The following ASH1L variants were observed in gnomAD, a reference collection of about 807,000 sequenced individuals.
ASH1L encodes histone-lysine N-methyltransferase ASH1L.
Under a neutral mutation model 269.0 loss-of-function variants are expected in ASH1L, and 23 were observed. The observed-to-expected ratio is 0.09, with a 90% CI of 0.06 to 0.12. The LOEUF is 0.12. Among genes scored for constraint, ASH1L ranks in the 10% least tolerant of loss-of-function variants. The pLI is 1.00. For synonymous variants in ASH1L, 1,187 were observed against 1,253.5 expected (o/e 0.95, Z 1.12); for missense variants, 2,912 against 3,567.8 (o/e 0.82, Z 4.68).
At chr1:155,505,018 T>C (rs1011405688) in intron 2 of ASH1L, among the ~76,000 whole-genome samples, 7 of 151,970 alleles carry the variant, frequency 4.6e-5, no homozygotes, top group African/African-American at 1.5e-4. Flanking sequence ...GACCACAAAC[T>C]TAAAAACAAA....
chr1:155,555,835 C>A (rs1478502649), intron 1 of ASH1L, among the ~76,000 whole-genome samples: 2 of 151,996 alleles, frequency 1.3e-5, no homozygotes, highest in Non-Finnish European at 2.9e-5. Flanking sequence ...GTTATATAAA[C>A]CTAACTATGA....
In ASH1L at chr1:155,482,297, T is replaced by G. The variant is rs765179487; in HGVS notation, c.573A>C (p.Ala191=). 1.7e-5 allele frequency: 27 copies of G among 1,614,176 alleles called. No individual in the cohort carries two copies. The East Asian group carries it at 6.0e-4, about 36-fold the overall frequency. ...VHSEMADYIN[A]TPSTLLGSRD... is the part of the protein sequence containing the mutation. ...GGCTACCAAGAAGAGTAGATGGCGT[T>G]GCATTAATATAATCTGCCATTTCTG... The change falls in exon 3 of 28, where the codon GCA becomes GCC. Residue 191 remains alanine, a synonymous_variant. Transcript: ENST00000392403.
chr1:155,560,525 T>C (rs1437227202), intron 1 of ASH1L, among the ~76,000 whole-genome samples: 2 of 152,166 alleles, frequency 1.3e-5, no homozygotes, highest in Admixed American at 1.3e-4. Flanking sequence ...AACAGTTCTC[T>C]GGTTTTAATT....
chr1:155,452,287 C>A (rs535101698), intron 4 of ASH1L, among the ~76,000 whole-genome samples: 117 of 152,192 alleles, frequency 7.7e-4, no homozygotes, highest in Non-Finnish European at 1.5e-3. Flanking sequence ...GATCTGCCCA[C>A]CTCGGCCGCC....
At chr1:155,456,142 T>C (rs11264376) in intron 4 of ASH1L, among the ~76,000 whole-genome samples, 97 of 152,314 alleles carry the variant, frequency 6.4e-4, no homozygotes, top group African/African-American at 2.3e-3. Flanking sequence ...TTCTGAAGTT[T>C]CTGGTTTCCT....
intron 6 of ASH1L, among the ~76,000 whole-genome samples, chr1:155,411,582 A>ATATATATATATAT (rs1659775685): frequency 2.7e-4 from 13 of 48,398 alleles, no homozygotes; most frequent in African/African-American, 6.4e-4. Context: ...TAAATAAATA[A>ATATATATATATAT]ATAAATATAT....
At chr1:155,457,274 A>AC (rs1238080309) in intron 4 of ASH1L, among the ~76,000 whole-genome samples, 1 of 152,224 alleles carries the variant, frequency 6.6e-6, no homozygotes, top group Non-Finnish European at 1.5e-5. Context: ...AATTGCATGT[A>AC]CAATGAAGTT....
At chr1:155,534,309 C>A (rs1669897650) in intron 1 of ASH1L, among the ~76,000 whole-genome samples, 1 of 147,912 alleles carries the variant, frequency 6.8e-6, no homozygotes. Flanking sequence ...CCAAAGACAG[C>A]AAAAGTTGGT....
intron 12 of ASH1L, among the ~76,000 whole-genome samples, chr1:155,361,119 C>T (rs914824015): frequency 6.6e-6 from 1 of 152,026 alleles, no homozygotes; most frequent in African/African-American, 2.4e-5. Context: ...TGCAGTGGCT[C>T]ACACCTGTAA....
intron 4 of ASH1L, among the ~76,000 whole-genome samples, chr1:155,455,744 T>C (rs376337310): frequency 6.6e-6 from 1 of 152,230 alleles, no homozygotes; most frequent in South Asian, 2.1e-4. Context: ...GGCTCTGCAA[T>C]GCAACTGGGA....
chr1:155,476,436 C>T (rs1436911947), intron 3 of ASH1L, among the ~76,000 whole-genome samples: 1 of 152,016 alleles, frequency 6.6e-6, no homozygotes, highest in Admixed American at 6.6e-5. Context: ...CTAAGGAACA[C>T]TCAGATTCTC....
intron 6 of ASH1L, among the ~76,000 whole-genome samples, chr1:155,410,157 C>T (rs1659651952): frequency 6.6e-6 from 1 of 151,520 alleles, no homozygotes; most frequent in East Asian, 1.9e-4. Context: ...TCAAAAAAAA[C>T]GCTTTGTCAC....
At chr1:155,433,360 TC>T in intron 5 of ASH1L, 2 of 1,593,530 alleles carry the variant, frequency 1.3e-6, no homozygotes, top group African/African-American at 1.3e-5. Context: ...TGTGGGGGAT[TC>T]CCCCATGCCC....
At chr1:155,557,462 G>GTCTAA (rs1671678489) in intron 1 of ASH1L, among the ~76,000 whole-genome samples, 1 of 150,832 alleles carries the variant, frequency 6.6e-6, no homozygotes, top group Non-Finnish European at 1.5e-5. Context: ...TTGTATTTTT[G>GTCTAA]GTAGAGACAG....
chr1:155,532,974 G>GAC (rs1262103877), intron 1 of ASH1L, among the ~76,000 whole-genome samples: 1 of 148,376 alleles, frequency 6.7e-6, no homozygotes, highest in Non-Finnish European at 1.5e-5. Flanking sequence ...GGGAGAGAGA[G>GAC]AGAGAGAGAG....
chr1:155,454,815 T>C (rs1388313478), intron 4 of ASH1L, among the ~76,000 whole-genome samples: 1 of 152,154 alleles, frequency 6.6e-6, no homozygotes, highest in Non-Finnish European at 1.5e-5. Context: ...ATCACTAGCA[T>C]ATTTTATTGT....
At chr1:155,349,121 C>A (rs1002027767) in intron 19 of ASH1L, among the ~76,000 whole-genome samples, 1 of 151,828 alleles carries the variant, frequency 6.6e-6, no homozygotes, top group East Asian at 1.9e-4. Flanking sequence ...AATGATTTAA[C>A]CTTCCATTCT....
At chr1:155,338,471 T>C in intron 26 of ASH1L, 81 bp from the exon 27 acceptor site, 1 of 1,356,594 alleles carries the variant, frequency 7.4e-7, no homozygotes, top group Non-Finnish European at 1.0e-6. Flanking sequence ...CAAGATGGCT[T>C]GAGATCCTGG....
intron 3 of ASH1L, among the ~76,000 whole-genome samples, chr1:155,467,734 C>A (rs1052387363): frequency 2.6e-5 from 4 of 152,072 alleles, no homozygotes; most frequent in African/African-American, 9.7e-5. Flanking sequence ...GTTTTACCCC[C>A]AACCAACACT....
Sources: allele counts gnomAD v4.1 joint callset (sites outside exome capture counted in the v4.1 genomes callset), GRCh38; gene constraint gnomAD v4.1.1; transcripts MANE v1.5; gene names NCBI Gene and HGNC (gene_info 2026-07-23, HGNC 2026-07-21).